The following TSPAN15 variants were observed in gnomAD, a reference collection of about 807,000 sequenced individuals.
The protein encoded by TSPAN15 is tetraspanin 15.
In TSPAN15, 20 loss-of-function variants were observed where a neutral mutation model predicts 34.5. The ratio of observed to expected loss-of-function variants is 0.58; its 90% CI spans 0.41 to 0.84. TSPAN15 has a LOEUF of 0.84. Ranked by LOEUF, TSPAN15 falls within the 40% of genes least tolerant of loss-of-function variation. TSPAN15 has a pLI of 0.00. For missense variants in TSPAN15, 313 were observed against 386.1 expected (o/e 0.81, Z 1.59); for synonymous variants, 155 against 153.9 (o/e 1.01, Z -0.05).
At chr10:69,505,833 G>A (rs1842313524) in intron 6 of TSPAN15, 2 of 302,944 alleles carry the variant, frequency 6.6e-6, no homozygotes, top group Non-Finnish European at 1.2e-5. Flanking sequence ...CACACAGGCA[G>A]GGCAGTTGTT....
At position 69,507,598 on chromosome 10, in the gene TSPAN15, G is replaced by A; in HGVS notation, c.*620G>A. Reference sequence around the variant, plus strand: ...AATCAAAGCTGGTATTTCCCCGCATGTCTTATTCTTGCCCTTCCCCCAACC... The same window carrying A: ...AATCAAAGCTGGTATTTCCCCGCATATCTTATTCTTGCCCTTCCCCCAACC... On this transcript the variant is annotated 3_prime_UTR_variant, in exon 8 of 8. Transcript: ENST00000373290. 1 of 1,301,226 alleles carries A rather than the reference G, an allele frequency of 7.7e-7. No individual in the cohort carries two copies. Among genetic ancestry groups the A allele is most frequent in the Non-Finnish European group, 1.0e-6 (1 of 988,426 alleles). 80.6% of individuals were successfully genotyped at this position (1,301,226 alleles called of 1,614,324 possible).
the TSPAN15 span, among the ~76,000 whole-genome samples, chr10:69,534,068 T>C: frequency 1.4e-4 from 21 of 152,338 alleles, no homozygotes; most frequent in Admixed American, 1.4e-3. Flanking sequence ...TCTGGTCATC[T>C]AGGCAAAAAA....
In TSPAN15 at chr10:69,507,350, G is replaced by T; in HGVS notation, c.*372G>T. 8.3e-7 allele frequency: 1 copy of T among 1,211,046 alleles called. No individual in the cohort carries two copies. The highest frequency in any genetic ancestry group is 1.0e-6 in the Non-Finnish European group (1 of 957,258). The allele number at this position is 1,211,046 out of a possible 1,614,324, so 75.0% of individuals were successfully genotyped here. A position where few individuals can be genotyped will look rare whatever the true frequency, so the allele number is the denominator to read the frequency against. On this transcript the variant is annotated 3_prime_UTR_variant, in exon 8 of 8. Coordinates refer to ENST00000373290, the MANE Select transcript of TSPAN15 (RefSeq NM_012339.5). ...AGGCAGTTTTGTAGCACCTGTAATTGGGGAGAGGGAGTGTGCCCCTCGGGG... is the reference window on the plus strand; with the variant it reads ...AGGCAGTTTTGTAGCACCTGTAATTTGGGAGAGGGAGTGTGCCCCTCGGGG...
the TSPAN15 span, among the ~76,000 whole-genome samples, chr10:69,530,820 C>CTCTCTATATA: frequency 6.2e-4 from 19 of 30,780 alleles, no homozygotes; most frequent in Non-Finnish European, 7.2e-4. Flanking sequence ...CTCTCTCTCT[C>CTCTCTATATA]TATATATATA....
At chr10:69,498,694 C>T (rs1171137386) in intron 5 of TSPAN15, among the ~76,000 whole-genome samples, 9 of 152,172 alleles carry the variant, frequency 5.9e-5, no homozygotes, top group Non-Finnish European at 8.8e-5. Context: ...TTAGTATTCA[C>T]GACAACCCTG....
intron 5 of TSPAN15, among the ~76,000 whole-genome samples, chr10:69,498,809 C>A (rs1030873365): frequency 6.6e-6 from 1 of 152,194 alleles, no homozygotes; most frequent in Non-Finnish European, 1.5e-5. Flanking sequence ...GAAGTGCAGG[C>A]AGCTGTTGCC....
rs117001206 is a variant in TSPAN15 at position 69,488,052 on chromosome 10, A to T, written c.357+2837A>T. Among the ~76,000 whole-genome samples, 26 of 152,364 alleles carry T rather than the reference A, an allele frequency of 1.7e-4. 1 individual carries two copies. In the East Asian group the frequency reaches 4.4e-3, roughly 26 times the overall value. On this transcript the variant is annotated intron_variant, in intron 3 of 7. Transcript: ENST00000373290. ...TGCAGTAAGATCGCTACAATGAAAAAAATAGGTCTACAAAAAGACTTAAAG... is the reference window on the plus strand; with the variant it reads ...TGCAGTAAGATCGCTACAATGAAAATAATAGGTCTACAAAAAGACTTAAAG...
At chr10:69,473,624 A>G (rs1188216180) in intron 1 of TSPAN15, among the ~76,000 whole-genome samples, 3 of 152,160 alleles carry the variant, frequency 2.0e-5, no homozygotes, top group African/African-American at 4.8e-5. Context: ...TGTCATGCCA[A>G]CTGGGAAACT....
downstream of TSPAN15, chr10:69,507,697 T>TG: frequency 8.1e-7 from 1 of 1,236,520 alleles, no homozygotes; most frequent in Non-Finnish European, 1.0e-6. Flanking sequence ...GCTGTTTTGT[T>TG]GGGGCGGGGG....
chr10:69,530,779 A>ACTCT, the TSPAN15 span, among the ~76,000 whole-genome samples: 220 of 49,816 alleles, frequency 4.4e-3, 4 homozygotes, highest in East Asian at 6.1e-3. Context: ...ACAGAGTGAG[A>ACTCT]CTCTCTCTCT....
intron 3 of TSPAN15, among the ~76,000 whole-genome samples, chr10:69,491,705 C>T (rs756106773): frequency 6.6e-6 from 1 of 152,238 alleles, no homozygotes; most frequent in Non-Finnish European, 1.5e-5. Flanking sequence ...AGGCCAGCAG[C>T]AGGGCCTTCC....
chr10:69,495,540 T>A (rs939257192), intron 3 of TSPAN15, 54 bp from the exon 4 acceptor site: 1 of 1,376,014 alleles, frequency 7.3e-7, no homozygotes, highest in Non-Finnish European at 1.0e-6. Context: ...AAACCTTGGG[T>A]TGGACTCCGG....
At chr10:69,524,465 C>CAAAACA in the TSPAN15 span, among the ~76,000 whole-genome samples, 1 of 146,780 alleles carries the variant, frequency 6.8e-6, no homozygotes, top group Non-Finnish European at 1.5e-5. Flanking sequence ...GACTCTGTCT[C>CAAAACA]AAAACAAAAA....
In TSPAN15 at chr10:69,458,435, T is replaced by C. The variant is rs184105364; in HGVS notation, c.96+6745T>C. On this transcript the variant is annotated intron_variant, in intron 1 of 7. Transcript: ENST00000373290. ...GGTAAACATCCATCTGGACATCTTG[T>C]ACATATATGTAGACATTTTATTTCT... 3.3e-5 allele frequency among the ~76,000 whole-genome samples: 5 copies of C among 152,392 alleles called. No individual in the cohort carries two copies. The East Asian group carries it at 9.6e-4, about 29-fold the overall frequency.
In TSPAN15 at chr10:69,451,568, C is replaced by T. The variant is rs1840967592; in HGVS notation, c.-27C>T. 3 of 1,431,040 alleles carry T rather than the reference C, an allele frequency of 2.1e-6. No homozygotes were observed. The highest frequency in any genetic ancestry group is 3.0e-5 in the African/African-American group (2 of 67,720). The allele number at this position is 1,431,040 out of a possible 1,614,324, so 88.6% of individuals were successfully genotyped here. ...ACCGAGCCGGAGAGCCCCGGAGCCCCCGTAACCCGCGCGGGGAGCGCCCAG... is the reference window on the plus strand; with the variant it reads ...ACCGAGCCGGAGAGCCCCGGAGCCCTCGTAACCCGCGCGGGGAGCGCCCAG... On this transcript the variant is annotated 5_prime_UTR_variant, in exon 1 of 8. Transcript: ENST00000373290.
the TSPAN15 span, among the ~76,000 whole-genome samples, chr10:69,515,196 T>C: frequency 6.6e-6 from 1 of 152,368 alleles, no homozygotes; most frequent in African/African-American, 2.4e-5. Flanking sequence ...CCCCCTCTTA[T>C]GAGTCTCAGT....
chr10:69,500,347 G>A (rs1842179415), intron 5 of TSPAN15, among the ~76,000 whole-genome samples: 1 of 152,220 alleles, frequency 6.6e-6, no homozygotes, highest in Admixed American at 6.5e-5. Context: ...GGCATTGCAT[G>A]AGTCCAGTGG....
At chr10:69,540,502 G>C in the TSPAN15 span, among the ~76,000 whole-genome samples, 1 of 152,160 alleles carries the variant, frequency 6.6e-6, no homozygotes, top group African/African-American at 2.4e-5. Flanking sequence ...CAATCAGAAG[G>C]CTTCTATTTT....
the TSPAN15 span, among the ~76,000 whole-genome samples, chr10:69,543,335 C>A: frequency 6.6e-6 from 1 of 152,208 alleles, no homozygotes; most frequent in Admixed American, 6.5e-5. Context: ...CCCCTAATAT[C>A]TTGGCACTTC....
Sources: allele counts gnomAD v4.1 joint callset (sites outside exome capture counted in the v4.1 genomes callset), GRCh38; gene constraint gnomAD v4.1.1; transcripts MANE v1.5; gene names NCBI Gene and HGNC (gene_info 2026-07-23, HGNC 2026-07-21).